The following CNTN5 variants were observed in gnomAD, a reference collection of about 807,000 sequenced individuals.
CNTN5 encodes contactin 5.
Under a neutral mutation model 129.1 loss-of-function variants are expected in CNTN5, and 77 were observed. The observed-to-expected ratio is 0.60, with a 90% confidence interval of 0.50 to 0.72. The LOEUF is 0.72. CNTN5 is among the 30% of genes least tolerant of loss of function. CNTN5 has a pLI of 0.00. For missense variants in CNTN5, 1,478 were observed against 1,328.8 expected (o/e 1.11, Z -1.75); for synonymous variants, 509 against 465.6 (o/e 1.09, Z -1.20).
At chr11:99,624,175 G>T (rs1400620738) in intron 3 of CNTN5, among the ~76,000 whole-genome samples, 1 of 151,596 alleles carries the variant, frequency 6.6e-6, no homozygotes, top group Non-Finnish European at 1.5e-5. Flanking sequence ...ATACTGAGTG[G>T]TCTTTGAAAG....
At chr11:99,522,858 C>A (rs1477268928) in intron 2 of CNTN5, among the ~76,000 whole-genome samples, 1 of 152,076 alleles carries the variant, frequency 6.6e-6, no homozygotes, top group Admixed American at 6.6e-5. Context: ...TAATGCCGTG[C>A]CTTCTCGCCC....
intron 1 of CNTN5, among the ~76,000 whole-genome samples, chr11:99,312,526 C>T (rs1176575077): frequency 1.3e-5 from 2 of 152,104 alleles, no homozygotes; most frequent in African/African-American, 4.8e-5. Context: ...TAATATCCTT[C>T]CTTTTCATTC....
chr11:99,650,156 G>A (rs886541068), intron 3 of CNTN5, among the ~76,000 whole-genome samples: 2 of 151,876 alleles, frequency 1.3e-5, no homozygotes, highest in African/African-American at 4.8e-5. Flanking sequence ...TATTACTCAA[G>A]TTGAATCTTA....
chr11:99,680,627 T>C (rs1405862448), intron 3 of CNTN5, among the ~76,000 whole-genome samples: 1 of 151,832 alleles, frequency 6.6e-6, no homozygotes, highest in Non-Finnish European at 1.5e-5. Context: ...AGGTGATGAA[T>C]TCTATTTTCA....
chr11:100,282,961 C>A (rs1335815351), intron 18 of CNTN5, among the ~76,000 whole-genome samples: 1 of 152,042 alleles, frequency 6.6e-6, no homozygotes, highest in Non-Finnish European at 1.5e-5. Context: ...TGGTGCCTGG[C>A]CTAGAACTCA....
intron 3 of CNTN5, among the ~76,000 whole-genome samples, chr11:99,661,007 GA>G (rs1483185366): frequency 2.0e-5 from 3 of 152,012 alleles, no homozygotes; most frequent in African/African-American, 7.2e-5. Context: ...GGCAAAAAAT[GA>G]AAATAATTAT....
At chr11:99,772,319 G>A (rs1025299704) in intron 3 of CNTN5, among the ~76,000 whole-genome samples, 2 of 151,964 alleles carry the variant, frequency 1.3e-5, no homozygotes, top group Non-Finnish European at 2.9e-5. Flanking sequence ...GGTTAAGTCC[G>A]GAATGTATGT....
Position 99,781,504 on chromosome 11 carries a change from T to A in CNTN5, c.56-38040T>A, listed in dbSNP as rs559532889. The stretch of plus-strand genomic sequence containing the variant: ...ATGAATGTCTTCTTAACCCCTTATC[T>A]TGTAGCTACTATACCATTTATTTTT... On this transcript the variant is annotated intron_variant, in intron 3 of 24. Transcript: ENST00000524871. Among the ~76,000 whole-genome samples the A allele has an allele frequency of 2.0e-5, 3 of 152,176 alleles. No homozygotes were observed. In the East Asian group the frequency reaches 5.9e-4, roughly 30 times the overall value.
intron 21 of CNTN5, among the ~76,000 whole-genome samples, chr11:100,312,161 CATTA>C: frequency 6.6e-6 from 1 of 152,018 alleles, no homozygotes; most frequent in Non-Finnish European, 1.5e-5. Flanking sequence ...ATCAACATCT[CATTA>C]ATTGTGAAAT....
intron 13 of CNTN5, among the ~76,000 whole-genome samples, chr11:100,180,618 A>G (rs1434590789): frequency 6.6e-6 from 1 of 152,028 alleles, no homozygotes; most frequent in Non-Finnish European, 1.5e-5. Flanking sequence ...AGGAAAGTTG[A>G]TAGATTGGTA....
chr11:99,487,345 C>A (rs1393234513), intron 2 of CNTN5, among the ~76,000 whole-genome samples: 2 of 152,106 alleles, frequency 1.3e-5, no homozygotes, highest in Non-Finnish European at 2.9e-5. Flanking sequence ...AGGAACCATG[C>A]TTTTTTTCTG....
chr11:99,537,953 A>G (rs901554634), intron 2 of CNTN5, among the ~76,000 whole-genome samples: 3 of 152,188 alleles, frequency 2.0e-5, no homozygotes, highest in East Asian at 1.9e-4. Flanking sequence ...ACAATTTGCC[A>G]TTGAAAATGT....
intron 13 of CNTN5, among the ~76,000 whole-genome samples, chr11:100,172,139 T>A (rs55974105): frequency 0.016 from 2,454 of 152,082 alleles, 60 homozygotes; most frequent in African/African-American, 0.056. Flanking sequence ...GCAGTTTGCA[T>A]TAAAACTAAT....
rs200825153 is a variant in CNTN5, at chr11:100,191,144, C to T, written c.1599C>T (p.Asp533=). The part of the protein sequence containing the change: ...RENKRIAILP[D]GSLRILNASK... ...TTTTCAGAATAGCTATTCTTCCAGA[C>T]GGGAGTCTACGGATCCTAAATGCTT... Residue 533 remains aspartate (D), a synonymous_variant, in exon 14 of 25, where the codon GAC becomes GAT. Coordinates refer to ENST00000524871, the MANE Select transcript of CNTN5 (RefSeq NM_014361.4). The T allele has an allele frequency of 2.2e-5, 35 of 1,600,014 alleles. No homozygotes were observed. The highest frequency in any genetic ancestry group is 2.7e-5 in the African/African-American group (2 of 74,022).
chr11:99,789,398 A>C (rs1945657593), intron 3 of CNTN5, among the ~76,000 whole-genome samples: 1 of 151,992 alleles, frequency 6.6e-6, no homozygotes, highest in Non-Finnish European at 1.5e-5. Context: ...GAGGAAAATA[A>C]GTTTTAAGAA....
At chr11:100,042,490 G>T (rs1319844320) in intron 9 of CNTN5, among the ~76,000 whole-genome samples, 2 of 152,134 alleles carry the variant, frequency 1.3e-5, no homozygotes, top group Non-Finnish European at 2.9e-5. Flanking sequence ...CCATTAGACA[G>T]ACCTACAATT....
rs1487819755 is a variant in CNTN5, at chr11:100,299,295, G to A, written c.2519G>A (p.Ser840Asn). The A allele has an allele frequency of 3.7e-6, 6 of 1,610,692 alleles. No homozygotes were observed. The highest frequency in any genetic ancestry group is 5.1e-6 in the Non-Finnish European group (6 of 1,177,744). Residue 840 changes from serine (S) to asparagine (N), a missense_variant, in exon 20 of 25, where the codon AGT becomes AAT. Coordinates refer to ENST00000524871, the MANE Select transcript of CNTN5 (RefSeq NM_014361.4). Reference sequence around the variant, plus strand: ...TCCAAATTCATTTATCGAGATGAAAGTGTCCCTCCTCTTACTCCCTTTGAA... The same window carrying A: ...TCCAAATTCATTTATCGAGATGAAAATGTCCCTCCTCTTACTCCCTTTGAA... ...EASKFIYRDE[S>N]VPPLTPFEVK... is the part of the protein sequence containing the mutation.
intron 3 of CNTN5, among the ~76,000 whole-genome samples, chr11:99,630,730 T>G (rs1345067841): frequency 6.7e-6 from 1 of 149,108 alleles, no homozygotes; most frequent in Non-Finnish European, 1.5e-5. Context: ...ATTTGTGGAT[T>G]AGACAGTAGA....
At chr11:99,591,216 T>C (rs1026055330) in intron 3 of CNTN5, among the ~76,000 whole-genome samples, 8 of 152,156 alleles carry the variant, frequency 5.3e-5, no homozygotes, top group East Asian at 1.9e-4. Flanking sequence ...TAGCTTTTTC[T>C]TGGACAGCAA....
Sources: gnomAD v4.1 joint callset for allele counts (sites outside exome capture counted in the v4.1 genomes callset) on GRCh38, gnomAD v4.1.1 for gene constraint, MANE v1.5 for transcripts, NCBI Gene and HGNC (gene_info 2026-07-23, HGNC 2026-07-21) for gene names.